Variants in GSE1 observed in about 807,000 individuals in gnomAD.
The protein encoded by GSE1 is genetic suppressor element 1.
In GSE1, 32 loss-of-function variants were observed where a neutral mutation model predicts 112.6. That is an observed-to-expected ratio of 0.28 (90% confidence interval 0.21 to 0.38). GSE1 has a LOEUF of 0.38. Among genes scored for constraint, GSE1 ranks in the 10% least tolerant of loss-of-function variants. GSE1 has a pLI of 1.00. For missense variants in GSE1, 2,348 were observed against 1,699.2 expected (o/e 1.38, Z -6.71); for synonymous variants, 1,115 against 735.6 (o/e 1.52, Z -8.35).
intron 1 of GSE1, chr16:85,282,940 G>A (rs946832797): frequency 2.0e-5 from 3 of 152,306 alleles, no homozygotes; most frequent in Non-Finnish European, 4.4e-5. Flanking sequence ...CTGCCTTGGG[G>A]TTTCTCTCGG....
intron 1 of GSE1, among the ~76,000 whole-genome samples, chr16:85,331,933 A>G (rs9923987): frequency 0.89 from 134,790 of 151,834 alleles, 59,970 homozygotes; most frequent in East Asian, 1. Context: ...TAATGAGCGC[A>G]TGCAGCCTTG....
intron 1 of GSE1, among the ~76,000 whole-genome samples, chr16:85,622,449 C>T (rs2048800903): frequency 6.6e-6 from 1 of 152,092 alleles, no homozygotes; most frequent in Non-Finnish European, 1.5e-5. Flanking sequence ...TCGTGGGTTG[C>T]CACTTAGGGA....
chr16:85,544,636 GC>G (rs2044635041), intron 2 of GSE1, among the ~76,000 whole-genome samples: 1 of 152,206 alleles, frequency 6.6e-6, no homozygotes, highest in Admixed American at 6.5e-5. Flanking sequence ...CATCTTGTTG[GC>G]CAGAGGGCTA....
intron 2 of GSE1, among the ~76,000 whole-genome samples, chr16:85,361,159 C>T (rs1255327926): frequency 1.4e-5 from 2 of 140,962 alleles, no homozygotes; most frequent in African/African-American, 5.3e-5. Context: ...CACAGACACA[C>T]ACAGGGGCAG....
At position 85,673,532 on chromosome 16, in the gene GSE1, A is replaced by AT. The variant is rs2053508107; in HGVS notation, c.*995dup. ...TGTTTGTACTGCTGCTGGTCAGGAC[A>AT]TTAAAATATTGAAGTGTTTTTAAAA... On this transcript the variant is annotated 3_prime_UTR_variant, in exon 16 of 16. Transcript: ENST00000253458. 6.6e-6 allele frequency: 1 copy of AT among 151,520 alleles called. No homozygotes were observed. The highest frequency in any genetic ancestry group is 1.5e-5 in the Non-Finnish European group (1 of 67,988). The allele number at this position is 151,520 out of a possible 1,614,324, so 9.4% of individuals were successfully genotyped here. A position where few individuals can be genotyped will look rare whatever the true frequency, so the allele number is the denominator to read the frequency against.
At position 85,655,894 on chromosome 16, in the gene GSE1, C is replaced by T. The variant is rs756907724; in HGVS notation, c.966C>T (p.Arg322=). 15 of 1,605,556 alleles carry T rather than the reference C, an allele frequency of 9.3e-6. No individual in the cohort carries two copies. Among genetic ancestry groups the T allele is most frequent in the Non-Finnish European group, 1.3e-5 (15 of 1,179,714 alleles). ...CCCTGGCAGCGCTGCACTCGGAGCG[C>T]ATGTCTGGCCTCAGCGCGGAGAGGT... is the stretch of plus-strand genomic sequence containing the variant. ...HSSLAALHSE[R]MSGLSAERLQ... Residue 322 remains arginine, a synonymous_variant, in exon 6 of 16, where the codon CGC becomes CGT. Transcript: ENST00000253458.
At chr16:85,495,533 C>T (rs1050371132) in intron 2 of GSE1, among the ~76,000 whole-genome samples, 1 of 151,630 alleles carries the variant, frequency 6.6e-6, no homozygotes, top group African/African-American at 2.4e-5. Context: ...CTTACTCTGT[C>T]GGGCCCAGGC....
chr16:85,606,396 G>A (rs1324464497), intron 1 of GSE1, among the ~76,000 whole-genome samples: 4 of 152,224 alleles, frequency 2.6e-5, no homozygotes, highest in Admixed American at 2.6e-4. Context: ...GCAGTGTAGT[G>A]ATGCCAGCCT....
chr16:85,574,135 C>A (rs1252088064), intron 1 of GSE1, among the ~76,000 whole-genome samples: 4 of 152,172 alleles, frequency 2.6e-5, no homozygotes, highest in Admixed American at 2.6e-4. Context: ...TGGAAGGCGT[C>A]CAACTGGTGC....
intron 11 of GSE1, 67 bp downstream of exon 11, chr16:85,663,681 G>A (rs905605568): frequency 1.4e-6 from 2 of 1,466,720 alleles, no homozygotes; most frequent in African/African-American, 2.8e-5. Flanking sequence ...GAAGCAGCAG[G>A]TGGGGCCGGT....
chr16:85,366,124 C>T (rs999444184), intron 2 of GSE1, among the ~76,000 whole-genome samples: 3 of 152,282 alleles, frequency 2.0e-5, no homozygotes, highest in Non-Finnish European at 4.4e-5. Context: ...GCCGGGAAGG[C>T]GGGACTGCGC....
chr16:85,246,790 C>T (rs996536536), intron 1 of GSE1, among the ~76,000 whole-genome samples: 5 of 152,118 alleles, frequency 3.3e-5, no homozygotes, highest in African/African-American at 4.8e-5. Flanking sequence ...GAGCCTCCCC[C>T]CTGGATGTCT....
intron 1 of GSE1, among the ~76,000 whole-genome samples, chr16:85,300,422 AT>A (rs2045489134): frequency 6.6e-6 from 1 of 152,204 alleles, no homozygotes; most frequent in Non-Finnish European, 1.5e-5. Context: ...CCAAACAGAA[AT>A]TCTGTACCCA....
At chr16:85,291,623 G>A (rs555672050) in intron 1 of GSE1, among the ~76,000 whole-genome samples, 248 of 152,276 alleles carry the variant, frequency 1.6e-3, no homozygotes, top group African/African-American at 5.7e-3. Context: ...CCTCGTCCCC[G>A]CCCTTTTCCG....
chr16:85,648,259 TGGC>T (rs2051047334), intron 2 of GSE1, among the ~76,000 whole-genome samples: 1 of 152,168 alleles, frequency 6.6e-6, no homozygotes, highest in Non-Finnish European at 1.5e-5. Context: ...TCCTGTCTGG[TGGC>T]GGTGGGCGGC....
At chr16:85,671,265 C>T (rs1042221702) in intron 15 of GSE1, among the ~76,000 whole-genome samples, 167 bp downstream of exon 15, 8 of 151,508 alleles carry the variant, frequency 5.3e-5, no homozygotes, top group African/African-American at 1.7e-4. Context: ...ACGGTGAAAC[C>T]CTGTCTCTAC....
chr16:85,657,153 T>C, intron 7 of GSE1, 124 bp from the exon 8 acceptor site: 1 of 652,386 alleles, frequency 1.5e-6, no homozygotes, highest in Admixed American at 3.3e-5. Context: ...ATCTTGGTTC[T>C]GGCTGCGGGA....
At chr16:85,538,081 C>G (rs547916126) in intron 2 of GSE1, among the ~76,000 whole-genome samples, 2 of 152,226 alleles carry the variant, frequency 1.3e-5, no homozygotes, top group Non-Finnish European at 2.9e-5. Flanking sequence ...TTGCTGGCCT[C>G]TCATCTCCCA....
At chr16:85,319,186 C>T (rs2046047212) in intron 1 of GSE1, among the ~76,000 whole-genome samples, 1 of 152,182 alleles carries the variant, frequency 6.6e-6, no homozygotes, top group Non-Finnish European at 1.5e-5. Flanking sequence ...TTGAGGGTCT[C>T]AGAGCCAATG....
Sources: allele counts gnomAD v4.1 joint callset (sites outside exome capture counted in the v4.1 genomes callset), GRCh38; gene constraint gnomAD v4.1.1; transcripts MANE v1.5; gene names NCBI Gene and HGNC (gene_info 2026-07-23, HGNC 2026-07-21).